The following RAB5A variants were observed in gnomAD, a reference collection of about 807,000 sequenced individuals.
The protein encoded by RAB5A is RAB5A, member RAS oncogene family, also known as ras-related protein Rab-5A.
In RAB5A, 8 loss-of-function variants were observed where a neutral mutation model predicts 25.7. The observed-to-expected ratio is 0.31, with a 90% CI of 0.18 to 0.56. The LOEUF is 0.56. RAB5A is among the 20% of genes least tolerant of loss of function. The probability of loss-of-function intolerance (pLI) is 0.91; values close to 1 mark genes in which losing one functional copy is unlikely to be tolerated. For missense variants in RAB5A, 192 were observed against 259.7 expected (o/e 0.74, Z 1.79); for synonymous variants, 98 against 89.8 (o/e 1.09, Z -0.52).
intron 4 of RAB5A, 74 bp from the exon 5 acceptor site, chr3:19,978,236 A>C: frequency 1.0e-6 from 1 of 957,724 alleles, no homozygotes; most frequent in South Asian, 1.4e-5. Flanking sequence ...CCTTTTCTAT[A>C]ACAAGTTTAA....
Position 19,966,859 on chromosome 3 carries a change from C to T in RAB5A, c.164-8742C>T, listed in dbSNP as rs555558486. Among the ~76,000 whole-genome samples the T allele has an allele frequency of 9.9e-5, 15 of 152,164 alleles. 1 individual carries two copies. In the South Asian group the frequency reaches 1.2e-3, roughly 13 times the overall value. ...TCACTCTGTCACCCAGACTGGAGTG[C>T]AGTAGCATGATCACAGCACACTGCA... On this transcript the variant is annotated intron_variant, in intron 2 of 5. Transcript: ENST00000273047.
chr3:19,968,847 A>G (rs1696696263), intron 2 of RAB5A, among the ~76,000 whole-genome samples: 1 of 152,102 alleles, frequency 6.6e-6, no homozygotes, highest in Non-Finnish European at 1.5e-5. Flanking sequence ...TTTGAGCATA[A>G]AAGTTTGTTC....
chr3:19,949,376 A>G (rs1479248107), intron 1 of RAB5A, among the ~76,000 whole-genome samples: 1 of 152,088 alleles, frequency 6.6e-6, no homozygotes, highest in East Asian at 1.9e-4. Flanking sequence ...TGGGAAAGGC[A>G]TATTTCTTTC....
At chr3:19,974,264 C>T (rs970125718) in intron 2 of RAB5A, among the ~76,000 whole-genome samples, 6 of 151,900 alleles carry the variant, frequency 3.9e-5, no homozygotes, top group African/African-American at 1.5e-4. Flanking sequence ...AAACGACTCT[C>T]CTGCCTCAGC....
chr3:19,957,288 C>T (rs1292551887), intron 2 of RAB5A, among the ~76,000 whole-genome samples: 1 of 152,012 alleles, frequency 6.6e-6, no homozygotes, highest in Non-Finnish European at 1.5e-5. Flanking sequence ...AAGTACTACA[C>T]GTGTGCATAT....
chr3:19,974,649 G>C (rs1696796316), intron 2 of RAB5A, among the ~76,000 whole-genome samples: 1 of 150,268 alleles, frequency 6.7e-6, no homozygotes, highest in Admixed American at 6.7e-5. Flanking sequence ...GCCTGGTACG[G>C]TGGCTCACGC....
intron 1 of RAB5A, among the ~76,000 whole-genome samples, chr3:19,949,432 T>A (rs76320741): frequency 0.01 from 1,557 of 152,312 alleles, 27 homozygotes; most frequent in African/African-American, 0.033. Flanking sequence ...TTGCCCAGGC[T>A]GGTCTCAGAG....
chr3:19,953,506 C>T (rs981032272), intron 2 of RAB5A, among the ~76,000 whole-genome samples: 7 of 150,592 alleles, frequency 4.6e-5, no homozygotes, highest in Admixed American at 2.7e-4. Flanking sequence ...TTCCCAGGAT[C>T]AAGCAATTCT....
At chr3:19,958,337 A>G (rs1559487008) in intron 2 of RAB5A, among the ~76,000 whole-genome samples, 1 of 152,214 alleles carries the variant, frequency 6.6e-6, no homozygotes, top group African/African-American at 2.4e-5. Flanking sequence ...TAGAGATTTG[A>G]TATTTCAAAT....
chr3:19,961,774 C>G (rs1696588625), intron 2 of RAB5A, among the ~76,000 whole-genome samples: 2 of 152,178 alleles, frequency 1.3e-5, no homozygotes, highest in Non-Finnish European at 2.9e-5. Context: ...TGTTATATAT[C>G]CTTGCAAAGT....
chr3:19,973,760 A>G (rs1232639443), intron 2 of RAB5A, among the ~76,000 whole-genome samples: 1 of 152,200 alleles, frequency 6.6e-6, no homozygotes, highest in East Asian at 1.9e-4. Flanking sequence ...CAAAATTCAG[A>G]AGATTTTAGT....
intron 2 of RAB5A, among the ~76,000 whole-genome samples, chr3:19,963,668 A>G (rs1696623241): frequency 5.9e-5 from 9 of 152,080 alleles, no homozygotes; most frequent in Admixed American, 5.2e-4. Flanking sequence ...TTTGAGAGAC[A>G]AGGTCTTCCT....
At position 19,951,021 on chromosome 3, in the gene RAB5A, G is replaced by A; in HGVS notation, c.123G>A (p.Val41=). The stretch of plus-strand genomic sequence containing the variant: ...AATCAAGCCTAGTGCTTCGTTTTGT[G>A]AAAGGCCAATTTCATGAATTTCAAG... ...VGKSSLVLRF[V]KGQFHEFQES... is the part of the protein sequence containing the mutation. The change falls in exon 2 of 6, where the codon GTG becomes GTA. Residue 41 remains valine, a synonymous_variant. Transcript: ENST00000273047. 6.2e-7 allele frequency: 1 copy of A among 1,613,976 alleles called. No individual in the cohort carries two copies. Among genetic ancestry groups the A allele is most frequent in the Non-Finnish European group, 8.5e-7 (1 of 1,179,926 alleles).
intron 2 of RAB5A, among the ~76,000 whole-genome samples, chr3:19,965,411 C>A (rs13089853): frequency 0.16 from 22,751 of 143,512 alleles, 1,717 homozygotes; most frequent in South Asian, 0.21. Context: ...CAGTGGGAGA[C>A]CCTGTCTTAA....
At chr3:19,964,143 G>T (rs1048250909) in intron 2 of RAB5A, among the ~76,000 whole-genome samples, 1 of 152,152 alleles carries the variant, frequency 6.6e-6, no homozygotes, top group Non-Finnish European at 1.5e-5. Context: ...TAGCTTGGGC[G>T]CTATCCTTGC....
chr3:19,969,108 G>A (rs963412259), intron 2 of RAB5A, among the ~76,000 whole-genome samples: 1 of 137,868 alleles, frequency 7.3e-6, no homozygotes, highest in Non-Finnish European at 1.5e-5. Flanking sequence ...GCAAAGGCAC[G>A]ATCTTGGCTC....
chr3:19,979,449 A>C (rs1251325455), intron 5 of RAB5A, among the ~76,000 whole-genome samples: 1 of 147,906 alleles, frequency 6.8e-6, no homozygotes, highest in African/African-American at 2.5e-5. Context: ...ATGCCCGACT[A>C]ATTTTTTTTG....
At chr3:19,977,436 G>A (rs575464567) in intron 4 of RAB5A, among the ~76,000 whole-genome samples, 49 of 152,218 alleles carry the variant, frequency 3.2e-4, no homozygotes, top group Admixed American at 7.2e-4. Flanking sequence ...TAGAAGGGCG[G>A]TTGTGGCTGT....
intron 2 of RAB5A, among the ~76,000 whole-genome samples, chr3:19,952,401 AAAATT>A (rs1696437216): frequency 6.6e-6 from 1 of 152,240 alleles, no homozygotes; most frequent in Non-Finnish European, 1.5e-5. Context: ...CCCATCCTGT[AAAATT>A]AAAGTCAAAC....
Sources: gnomAD v4.1 joint callset for allele counts (sites outside exome capture counted in the v4.1 genomes callset) on GRCh38, gnomAD v4.1.1 for gene constraint, MANE v1.5 for transcripts, NCBI Gene and HGNC (gene_info 2026-07-23, HGNC 2026-07-21) for gene names.